RHOBTB2: variants seen among roughly 807,000 people sequenced by gnomAD.
The protein encoded by RHOBTB2 is Rho related BTB domain containing 2, also known as rho-related BTB domain-containing protein 2.
In RHOBTB2, 39 loss-of-function variants were observed where a neutral mutation model predicts 66.5. The ratio of observed to expected loss-of-function variants is 0.59; its 90% CI spans 0.45 to 0.77. The LOEUF (loss-of-function observed/expected upper bound fraction) is 0.77, where lower values mean the gene tolerates loss of function less well. RHOBTB2 is among the 30% of genes least tolerant of loss of function. The pLI is 0.00. For missense variants in RHOBTB2, 755 were observed against 999.1 expected (o/e 0.76, Z 3.29); for synonymous variants, 390 against 395.0 (o/e 0.99, Z 0.15).
At chr8:23,015,521 T>C in intron 8 of RHOBTB2, 117 bp from the exon 9 acceptor site, 1 of 670,356 alleles carries the variant, frequency 1.5e-6, no homozygotes, top group Non-Finnish European at 2.6e-6. Context: ...TCTCTAGAAC[T>C]GCAGGGCCTC....
Position 23,017,743 on chromosome 8 carries a change from T to C in RHOBTB2, c.*274T>C. On this transcript the variant is annotated 3_prime_UTR_variant, in exon 10 of 10. Transcript: ENST00000251822. This position sits in a 1 kb window ranked among gnomAD's most constrained non-coding sequence, Gnocchi z 5.3. ...GCGAAGAGCCCTGGCATTTTATCTC[T>C]GGGTTTGAGAGCCCTAGAGTCAAAG... 1 of 475,074 alleles carries C rather than the reference T, an allele frequency of 2.1e-6. No individual in the cohort carries two copies. The highest frequency in any genetic ancestry group is 3.7e-5 in the East Asian group (1 of 27,016). 29.4% of individuals were successfully genotyped at this position (475,074 alleles called of 1,614,324 possible). A position where few individuals can be genotyped will look rare whatever the true frequency, so the allele number is the denominator to read the frequency against.
the RHOBTB2 span, among the ~76,000 whole-genome samples, chr8:22,957,677 C>T: frequency 6.6e-6 from 1 of 152,182 alleles, no homozygotes; most frequent in Admixed American, 6.5e-5. Flanking sequence ...GGAAGGTTTG[C>T]AAAATATCGC....
chr8:23,011,796 A>G (rs1342468013), intron 7 of RHOBTB2, among the ~76,000 whole-genome samples: 1 of 152,150 alleles, frequency 6.6e-6, no homozygotes, highest in East Asian at 1.9e-4. Flanking sequence ...TAGGTCGGGG[A>G]CAGAGAGCAC....
upstream of RHOBTB2, chr8:22,994,582 C>A (rs1361786204): frequency 4.5e-6 from 7 of 1,551,062 alleles, no homozygotes; most frequent in African/African-American, 5.5e-5. Context: ...GAACACAGAG[C>A]GATGCAAGCC....
At chr8:22,994,505 T>C in intron 2 of RHOBTB2, 2 of 1,084,064 alleles carry the variant, frequency 1.8e-6, no homozygotes, top group Non-Finnish European at 2.8e-6. Flanking sequence ...GCTCATTCCC[T>C]TTCTCCCCTC....
In RHOBTB2 at chr8:23,020,058, C is replaced by T. The variant is rs1419014220; in HGVS notation, c.*2589C>T. 1 of 350,538 alleles carries T rather than the reference C, an allele frequency of 2.9e-6. No homozygotes were observed. Among genetic ancestry groups the T allele is most frequent in the Non-Finnish European group, 5.6e-6 (1 of 179,070 alleles). 21.7% of individuals were successfully genotyped at this position (350,538 alleles called of 1,614,324 possible). A position where few individuals can be genotyped will look rare whatever the true frequency, so the allele number is the denominator to read the frequency against. ...GAAGGAGTCCCAGCAGGAGCACAGC[C>T]CTGGTTTCCTGTCACTCAGAGCTGA... is the stretch of plus-strand genomic sequence containing the variant. On this transcript the variant is annotated 3_prime_UTR_variant, in exon 10 of 10. Coordinates refer to ENST00000251822, the MANE Select transcript of RHOBTB2 (RefSeq NM_015178.3).
intron 1 of RHOBTB2, among the ~76,000 whole-genome samples, chr8:23,003,601 C>T (rs1461375762): frequency 6.6e-6 from 1 of 152,204 alleles, no homozygotes; most frequent in Admixed American, 6.5e-5. Flanking sequence ...GGGAGGACAG[C>T]CCCCCGTAGG....
At position 23,017,316 on chromosome 8, in the gene RHOBTB2, T is replaced by C. The variant is rs1811319240; in HGVS notation, c.2031T>C (p.His677=). 6.2e-7 allele frequency: 1 copy of C among 1,614,156 alleles called. No homozygotes were observed. The highest frequency in any genetic ancestry group is 8.5e-7 in the Non-Finnish European group (1 of 1,180,014). The change falls in exon 10 of 10, where the codon CAT becomes CAC. Residue 677 remains histidine (H), a synonymous_variant. Coordinates refer to ENST00000251822, the MANE Select transcript of RHOBTB2 (RefSeq NM_015178.3). This position sits in a 1 kb window ranked among gnomAD's most constrained non-coding sequence, Gnocchi z 5.3. ...TGTGGTACCTGAAGGAGGAAGATCA[T>C]TACCAGCGGGCACGGAAGGAGCGTG... ...PPVWYLKEED[H]YQRARKEREK... is the part of the protein sequence containing the mutation.
intron 1 of RHOBTB2, among the ~76,000 whole-genome samples, chr8:22,989,137 C>G (rs889775556): frequency 1.3e-5 from 2 of 152,108 alleles, no homozygotes; most frequent in African/African-American, 4.8e-5. Flanking sequence ...TGCCTTGAAG[C>G]AAGAAAACAT....
upstream of RHOBTB2, among the ~76,000 whole-genome samples, chr8:22,985,627 C>T (rs931210292): frequency 6.6e-6 from 1 of 152,228 alleles, no homozygotes; most frequent in Non-Finnish European, 1.5e-5. Flanking sequence ...AGGCGCCCCA[C>T]AAGCCCTTTT....
intron 1 of RHOBTB2, among the ~76,000 whole-genome samples, chr8:22,991,284 ACCAGGGTCC>A: frequency 6.6e-6 from 1 of 151,924 alleles, no homozygotes; most frequent in East Asian, 1.9e-4. Flanking sequence ...TATACTTCCC[ACCAGGGTCC>A]CTGGGGTCCT....
intron 8 of RHOBTB2, 146 bp downstream of exon 8, chr8:23,014,924 C>G: frequency 1.5e-6 from 1 of 679,894 alleles, no homozygotes; most frequent in South Asian, 1.8e-5. Flanking sequence ...AGCCCATCTC[C>G]TCCTCCATGC....
At chr8:23,000,938 C>G (rs1314384691) in intron 1 of RHOBTB2, among the ~76,000 whole-genome samples, 1 of 151,452 alleles carries the variant, frequency 6.6e-6, no homozygotes, top group East Asian at 1.9e-4. Flanking sequence ...GATGAACAAG[C>G]CTCCTATCAG....
chr8:22,988,255 A>G (rs998129171), intron 1 of RHOBTB2, among the ~76,000 whole-genome samples: 1 of 146,710 alleles, frequency 6.8e-6, no homozygotes, highest in African/African-American at 2.5e-5. Context: ...CGCCTCCCGA[A>G]TTCAAGTGAT....
At chr8:22,979,973 T>G in the RHOBTB2 span, among the ~76,000 whole-genome samples, 3 of 151,990 alleles carry the variant, frequency 2.0e-5, no homozygotes, top group African/African-American at 7.2e-5. Context: ...TTGGCCAGGA[T>G]AGTCTCGATC....
intron 1 of RHOBTB2, among the ~76,000 whole-genome samples, chr8:23,002,673 A>G (rs1585187952): frequency 6.6e-6 from 1 of 152,268 alleles, no homozygotes; most frequent in African/African-American, 2.4e-5. Context: ...CTGGGTGTCA[A>G]GCGCAAAACT....
rs138898072 is a variant in RHOBTB2, at chr8:23,001,352, GTATCACCA to G, written c.-11+1251_-11+1258del. 5.0e-3 allele frequency among the ~76,000 whole-genome samples: 755 copies of G among 152,168 alleles called. 8 individuals are homozygous for G. Among genetic ancestry groups the G allele is most frequent in the African/African-American group, 0.017 (722 of 41,502 alleles). ...AGCTGAGAGGCTCACTGAATGGGCT[GTATCACCA>G]TATATCAGCAATGAGTGGGCTGTAT... On this transcript the variant is annotated intron_variant, in intron 1 of 9. Transcript: ENST00000251822.
chr8:23,000,899 T>A (rs1249864857), intron 1 of RHOBTB2, among the ~76,000 whole-genome samples: 2 of 151,718 alleles, frequency 1.3e-5, no homozygotes, highest in African/African-American at 4.8e-5. Context: ...TTCTGTTGTT[T>A]CCTTGACAAC....
At chr8:22,978,064 T>A in the RHOBTB2 span, 10 of 152,102 alleles carry the variant, frequency 6.6e-5, no homozygotes, top group African/African-American at 2.4e-4. Context: ...TGATCAGTAG[T>A]GGAATTGCGC....
Sources: allele counts gnomAD v4.1 joint callset (sites outside exome capture counted in the v4.1 genomes callset), GRCh38; gene constraint gnomAD v4.1.1; non-coding constraint Gnocchi (gnomAD v3.1); transcripts MANE v1.5; gene names NCBI Gene and HGNC (gene_info 2026-07-23, HGNC 2026-07-21).